Variants in DAB1 observed in about 807,000 individuals in gnomAD.
DAB1 encodes DAB adaptor protein 1.
In DAB1, 15 loss-of-function variants were observed where a neutral mutation model predicts 64.6. That is an observed-to-expected ratio of 0.23 (90% confidence interval 0.16 to 0.36). DAB1 has a LOEUF of 0.36. Ranked by LOEUF, DAB1 falls within the 10% of genes least tolerant of loss-of-function variation. The pLI, the probability that DAB1 is intolerant of heterozygous loss-of-function variation, is 1.00. For missense variants in DAB1, 596 were observed against 706.7 expected (o/e 0.84, Z 1.78); for synonymous variants, 235 against 251.9 (o/e 0.93, Z 0.64).
intron 5 of DAB1, among the ~76,000 whole-genome samples, chr1:58,121,202 T>C (rs910889883): frequency 1.3e-5 from 2 of 152,174 alleles, no homozygotes; most frequent in South Asian, 2.1e-4. Flanking sequence ...ATCATCAAGA[T>C]ACCAGAGGAT....
chr1:57,963,720 C>A (rs766443799), intron 5 of DAB1, among the ~76,000 whole-genome samples: 1 of 152,086 alleles, frequency 6.6e-6, no homozygotes, highest in Non-Finnish European at 1.5e-5. Flanking sequence ...TAATCATCCC[C>A]TGGGAAGAGG....
intron 2 of DAB1, among the ~76,000 whole-genome samples, chr1:57,279,507 T>C (rs568412132): frequency 2.0e-4 from 31 of 152,334 alleles, no homozygotes; most frequent in African/African-American, 6.7e-4. Flanking sequence ...GGGTCTCGAA[T>C]AGATAGCTGT....
intron 3 of DAB1, among the ~76,000 whole-genome samples, chr1:58,443,360 GA>G (rs1237838240): frequency 2.6e-5 from 4 of 152,132 alleles, no homozygotes; most frequent in Non-Finnish European, 5.9e-5. Flanking sequence ...TTAAACATAG[GA>G]AAAAATATCA....
At chr1:58,267,015 T>C (rs1273158759) in intron 4 of DAB1, among the ~76,000 whole-genome samples, 1 of 151,840 alleles carries the variant, frequency 6.6e-6, no homozygotes, top group Non-Finnish European at 1.5e-5. Flanking sequence ...AAGTCAGGAG[T>C]TCGAGAACAG....
intron 4 of DAB1, among the ~76,000 whole-genome samples, chr1:58,324,069 C>A (rs1662764791): frequency 6.6e-6 from 1 of 152,132 alleles, no homozygotes; most frequent in Non-Finnish European, 1.5e-5. Context: ...CCATGTTCCT[C>A]ATTTTGCCTT....
chr1:58,059,901 G>A (rs778306314), intron 5 of DAB1, among the ~76,000 whole-genome samples: 1 of 152,194 alleles, frequency 6.6e-6, no homozygotes, highest in South Asian at 2.1e-4. Flanking sequence ...CTACACTCAC[G>A]GTCCTTATGC....
chr1:58,403,928 C>G (rs537677768), intron 3 of DAB1, among the ~76,000 whole-genome samples: 1 of 152,286 alleles, frequency 6.6e-6, no homozygotes, highest in African/African-American at 2.4e-5. Flanking sequence ...AAGCTGTGAA[C>G]AGAATAGTAG....
At chr1:58,385,436 TA>T (rs1644425035) in intron 3 of DAB1, among the ~76,000 whole-genome samples, 1 of 152,204 alleles carries the variant, frequency 6.6e-6, no homozygotes, top group Non-Finnish European at 1.5e-5. Context: ...ATGCATTGTT[TA>T]AACATGTTGA....
intron 5 of DAB1, among the ~76,000 whole-genome samples, chr1:58,137,817 A>C (rs536629698): frequency 6.6e-6 from 1 of 152,184 alleles, no homozygotes; most frequent in African/African-American, 2.4e-5. Flanking sequence ...AGTGTCACAA[A>C]TAGAGAACAT....
chr1:57,010,671 G>T lies in DAB1; in HGVS notation c.*15+9C>A. On this transcript the variant is annotated intron_variant, in intron 14 of 14. Transcript: ENST00000371236. The stretch of plus-strand genomic sequence containing the variant: ...AAGGGTAAAGGAGATAAAAAGGACA[G>T]ATACCTACCCAGACCTGCGCTATCT... The T allele has an allele frequency of 6.9e-7, 1 of 1,459,662 alleles. No homozygotes were observed. The highest frequency in any genetic ancestry group is 9.2e-7 in the Non-Finnish European group (1 of 1,083,480). 90.4% of individuals were successfully genotyped at this position (1,459,662 alleles called of 1,614,324 possible). A position where few individuals can be genotyped will look rare whatever the true frequency, so the allele number is the denominator to read the frequency against.
rs1481010160 is a variant in DAB1, at chr1:57,442,239, T to C, written n.626-151073A>G. Among the ~76,000 whole-genome samples, 4 of 152,234 alleles carry C rather than the reference T, an allele frequency of 2.6e-5. No individual in the cohort carries two copies. In the East Asian group the frequency reaches 5.8e-4, roughly 22 times the overall value. On this transcript the variant is annotated intron_variant and non_coding_transcript_variant, in intron 7 of 20. Transcript: ENST00000485760. ...TAATTGTTAAATAAAATAATATTTG[T>C]AAAAGTGTCATACTACTTGGTATAT...
chr1:58,285,856 A>C (rs1221548056), intron 4 of DAB1, among the ~76,000 whole-genome samples: 1 of 152,228 alleles, frequency 6.6e-6, no homozygotes, highest in African/African-American at 2.4e-5. Context: ...CCACATAGCC[A>C]AGACAATTGT....
intron 5 of DAB1, chr1:58,056,367 T>C (rs1338286627): frequency 2.5e-6 from 4 of 1,588,438 alleles, no homozygotes; most frequent in South Asian, 1.1e-5. Flanking sequence ...GAATGACGAA[T>C]GTCTTAATGG....
At chr1:57,813,638 G>A (rs1434667977) in intron 6 of DAB1, among the ~76,000 whole-genome samples, 1 of 152,220 alleles carries the variant, frequency 6.6e-6, no homozygotes, top group Non-Finnish European at 1.5e-5. Flanking sequence ...ACGTTGAAGT[G>A]AATATGCTGT....
chr1:58,037,101 T>C (rs760951686), intron 5 of DAB1, among the ~76,000 whole-genome samples: 1 of 152,130 alleles, frequency 6.6e-6, no homozygotes, highest in Non-Finnish European at 1.5e-5. Context: ...CGCTATCATT[T>C]TCCTGCACAC....
intron 5 of DAB1, among the ~76,000 whole-genome samples, chr1:58,007,203 G>T (rs545299241): frequency 6.6e-6 from 1 of 152,154 alleles, no homozygotes; most frequent in African/African-American, 2.4e-5. Context: ...GCTGATTAAA[G>T]CTTACTTGAA....
At chr1:57,049,293 CA>C (rs1211248640) in intron 9 of DAB1, among the ~76,000 whole-genome samples, 4 of 150,170 alleles carry the variant, frequency 2.7e-5, no homozygotes, top group African/African-American at 7.3e-5. Flanking sequence ...ACTAAAAATA[CA>C]AAAAAAATTA....
intron 2 of DAB1, among the ~76,000 whole-genome samples, chr1:57,188,802 C>T (rs1053108984): frequency 3.9e-5 from 6 of 152,222 alleles, no homozygotes; most frequent in African/African-American, 1.4e-4. Context: ...CATTAACTCA[C>T]TATACTACTT....
intron 1 of DAB1, among the ~76,000 whole-genome samples, chr1:57,408,375 G>A (rs1336453569): frequency 1.3e-5 from 2 of 152,148 alleles, no homozygotes; most frequent in Non-Finnish European, 2.9e-5. Context: ...ACCCCGTAAT[G>A]TAACTCATGA....
Sources: allele counts gnomAD v4.1 joint callset (sites outside exome capture counted in the v4.1 genomes callset), GRCh38; gene constraint gnomAD v4.1.1; transcripts MANE v1.5; gene names NCBI Gene and HGNC (gene_info 2026-07-23, HGNC 2026-07-21).